Variants in MRTFB observed in about 807,000 individuals in gnomAD.
MRTFB encodes the protein myocardin-related transcription factor B.
Under a neutral mutation model 104.2 loss-of-function variants are expected in MRTFB, and 29 were observed. The ratio of observed to expected loss-of-function variants is 0.28; its 90% CI spans 0.21 to 0.38. MRTFB has a LOEUF of 0.38. MRTFB is among the 10% of genes least tolerant of loss of function. The probability of loss-of-function intolerance (pLI) is 1.00; values close to 1 mark genes in which losing one functional copy is unlikely to be tolerated. For missense variants in MRTFB, 1,270 were observed against 1,341.6 expected, an observed-to-expected ratio of 0.95 and a Z score of 0.83; for synonymous variants, 535 against 519.5, an observed-to-expected ratio of 1.03 and a Z score of -0.41.
At chr16:14,119,414 G>T (rs926762558) in intron 2 of MRTFB, among the ~76,000 whole-genome samples, 4 of 152,230 alleles carry the variant, frequency 2.6e-5, no homozygotes, top group Admixed American at 2.0e-4. Flanking sequence ...AAACCTTTAA[G>T]CTGAATTTAA....
At chr16:14,189,937 A>G (rs977218434) in intron 3 of MRTFB, among the ~76,000 whole-genome samples, 2 of 152,190 alleles carry the variant, frequency 1.3e-5, no homozygotes, top group African/African-American at 4.8e-5. Context: ...TTATTAGCAA[A>G]CGCTGTAGGA....
chr16:14,168,943 A>T (rs1203603789), intron 3 of MRTFB, among the ~76,000 whole-genome samples: 11 of 152,184 alleles, frequency 7.2e-5, no homozygotes, highest in Admixed American at 7.2e-4. Context: ...CATTTTCATG[A>T]TATCTAATGA....
At chr16:14,224,064 A>C (rs1377131544) in intron 8 of MRTFB, among the ~76,000 whole-genome samples, 1 of 152,174 alleles carries the variant, frequency 6.6e-6, no homozygotes. Flanking sequence ...AGGCAAAGCA[A>C]GCATGTCTTC....
rs559209155 is a variant in MRTFB, at chr16:14,145,869, G to A, written c.154+5109G>A. On this transcript the variant is annotated intron_variant, in intron 3 of 16. Transcript: ENST00000571589. ...TTAGTGTTTAAATTGGAAAAGCTCA[G>A]CAAGGAAAGACAAAGTGGGTAGAAA... is the stretch of plus-strand genomic sequence containing the variant. Among the ~76,000 whole-genome samples, 49 of 152,350 alleles carry A rather than the reference G, an allele frequency of 3.2e-4. 1 individual carries two copies. The highest frequency in any genetic ancestry group is 1.0e-3 in the African/African-American group (43 of 41,588).
At chr16:14,047,915 C>T in the MRTFB span, among the ~76,000 whole-genome samples, 1 of 152,176 alleles carries the variant, frequency 6.6e-6, no homozygotes, top group Non-Finnish European at 1.5e-5. Flanking sequence ...AACCGTCCCC[C>T]AAAGTCTTAA....
intron 13 of MRTFB, 95 bp downstream of exon 13, chr16:14,249,176 T>G (rs888543657): frequency 1.7e-5 from 23 of 1,382,832 alleles, no homozygotes; most frequent in Non-Finnish European, 2.2e-5. Flanking sequence ...CCTGGGAAGT[T>G]CCTGTTCATT....
chr16:14,077,414 C>T (rs1567295020), intron 1 of MRTFB, among the ~76,000 whole-genome samples: 1 of 152,038 alleles, frequency 6.6e-6, no homozygotes, highest in African/African-American at 2.4e-5. Flanking sequence ...TACATCTCTG[C>T]ACTTTCTATT....
intron 9 of MRTFB, among the ~76,000 whole-genome samples, chr16:14,236,105 C>T (rs955305916): frequency 6.6e-6 from 1 of 152,098 alleles, no homozygotes; most frequent in African/African-American, 2.4e-5. Context: ...CACTTGAGCC[C>T]AGGAGGTTAA....
chr16:14,205,041 T>A (rs544683365), intron 3 of MRTFB, among the ~76,000 whole-genome samples: 1 of 152,318 alleles, frequency 6.6e-6, no homozygotes, highest in East Asian at 1.9e-4. Context: ...GCCACTAAAA[T>A]AATAAGAATA....
In MRTFB at chr16:14,260,920, C is replaced by T. The variant is rs1272004295; in HGVS notation, c.2776C>T (p.Pro926Ser). The T allele has an allele frequency of 3.4e-5, 55 of 1,602,570 alleles. No individual in the cohort carries two copies. The highest frequency in any genetic ancestry group is 4.7e-5 in the Non-Finnish European group (55 of 1,173,834). Reference sequence around the variant, plus strand: ...TTTATTTTACACAGAGATCTCCCTCCCCATAAAAGAAGAACCTTCTCCTAT... The same window carrying T: ...TTTATTTTACACAGAGATCTCCCTCTCCATAAAAGAAGAACCTTCTCCTAT... ...ILIKSGEISL[P>S]IKEEPSPISK... The change falls in exon 17 of 17, where the codon CCC (proline) becomes TCC (serine). Residue 926 changes from proline (P) to serine (S), a missense_variant. Pro to Ser is a moderately conservative substitution (Grantham distance 74). Coordinates refer to ENST00000571589, the MANE Select transcript of MRTFB (RefSeq NM_001308142.2).
chr16:14,055,066 T>C, the MRTFB span, among the ~76,000 whole-genome samples: 3 of 152,066 alleles, frequency 2.0e-5, no homozygotes, highest in African/African-American at 7.2e-5. Flanking sequence ...GAAGTTAACA[T>C]GGAGGCCAGG....
intron 7 of MRTFB, among the ~76,000 whole-genome samples, chr16:14,217,814 T>G (rs759069266): frequency 7.2e-5 from 11 of 152,248 alleles, no homozygotes; most frequent in Non-Finnish European, 1.3e-4. Context: ...ATAAATAGCA[T>G]GTTCAGTGTT....
intron 12 of MRTFB, 54 bp from the exon 13 acceptor site, chr16:14,248,872 T>A: frequency 6.3e-7 from 1 of 1,591,036 alleles, no homozygotes; most frequent in East Asian, 2.2e-5. Flanking sequence ...AAGTTCTGAT[T>A]TCTAACTTTG....
chr16:14,042,211 AG>A, the MRTFB span, among the ~76,000 whole-genome samples: 1 of 151,900 alleles, frequency 6.6e-6, no homozygotes, highest in Admixed American at 6.6e-5. Flanking sequence ...CTGCAACTTT[AG>A]CCTCCTGGGT....
At chr16:14,068,591 T>C (rs180741040), upstream of MRTFB, among the ~76,000 whole-genome samples, 1,307 of 152,288 alleles carry the variant, frequency 8.6e-3, 15 homozygotes, top group Non-Finnish European at 0.014. Flanking sequence ...GTTGTGTGTG[T>C]CGTTGCGTGT....
At chr16:14,228,479 G>A (rs778598886) in intron 8 of MRTFB, among the ~76,000 whole-genome samples, 17 of 152,042 alleles carry the variant, frequency 1.1e-4, no homozygotes, top group South Asian at 2.1e-4. Context: ...GGAGGCTGAG[G>A]CAGGAGAATT....
At chr16:14,027,636 A>G in the MRTFB span, among the ~76,000 whole-genome samples, 2 of 152,216 alleles carry the variant, frequency 1.3e-5, no homozygotes, top group South Asian at 2.1e-4. Flanking sequence ...ATAAGATGTT[A>G]TCATGGGGGA....
At chr16:14,012,299 CTTTTT>C in the MRTFB span, among the ~76,000 whole-genome samples, 1 of 104,594 alleles carries the variant, frequency 9.6e-6, no homozygotes, top group Admixed American at 1.0e-4. Flanking sequence ...TTCTTTCTTT[CTTTTT>C]TTTTTTTTTT....
chr16:14,057,149 G>C, the MRTFB span, among the ~76,000 whole-genome samples: 1 of 152,138 alleles, frequency 6.6e-6, no homozygotes, highest in Admixed American at 6.5e-5. Context: ...CGGCAGTGGG[G>C]GTGCAAGAGG....
Sources: allele counts gnomAD v4.1 joint callset (sites outside exome capture counted in the v4.1 genomes callset), GRCh38; gene constraint gnomAD v4.1.1; transcripts MANE v1.5; gene names NCBI Gene and HGNC (gene_info 2026-07-23, HGNC 2026-07-21).